The following SHTN1 variants were observed in gnomAD, a reference collection of about 807,000 sequenced individuals.
The protein encoded by SHTN1 is shootin-1.
A neutral mutation model predicts 83.1 loss-of-function variants in SHTN1; 42 were observed. The observed-to-expected ratio is 0.51, with a 90% CI of 0.39 to 0.65. SHTN1 has a LOEUF of 0.65. SHTN1 is among the 30% of genes least tolerant of loss of function. The pLI is 0.00. For synonymous variants in SHTN1, 224 were observed against 247.7 expected, an observed-to-expected ratio of 0.90 and a Z score of 0.90; for missense variants, 622 against 737.8, an observed-to-expected ratio of 0.84 and a Z score of 1.82.
At chr10:117,125,346 G>A (rs1853987650) in intron 1 of SHTN1, among the ~76,000 whole-genome samples, 1 of 152,122 alleles carries the variant, frequency 6.6e-6, no homozygotes, top group Admixed American at 6.6e-5. Context: ...ACAAATGTTG[G>A]CATTAATGTG....
At position 117,035,693 on chromosome 10, in the gene SHTN1, T is replaced by C. The variant is rs143628043; in HGVS notation, c.-123+12752A>G. Reference sequence around the variant, plus strand: ...ATGGCCAGACATGGTGGCTCACGTCTGTAATCCCAGCACTTTGGGAGGCTG... The same window carrying C: ...ATGGCCAGACATGGTGGCTCACGTCCGTAATCCCAGCACTTTGGGAGGCTG... On this transcript the variant is annotated intron_variant, in intron 2 of 17. Transcript: ENST00000392901. Among the ~76,000 whole-genome samples, 1,260 of 152,172 alleles carry C rather than the reference T, an allele frequency of 8.3e-3. 22 individuals carry two copies. The highest frequency in any genetic ancestry group is 0.051 in the South Asian group (245 of 4,820).
At position 116,981,772 on chromosome 10, in the gene SHTN1, A is replaced by G. The variant is rs1342912797; in HGVS notation, c.59-2464T>C. On this transcript the variant is annotated intron_variant, in intron 1 of 16. Transcript: ENST00000355371. ...AACAATAAAGGCTTATAAAACCATG[A>G]TCTCAGCCGGGTGCGGTGGCTCACA... Among the ~76,000 whole-genome samples, 3 of 152,264 alleles carry G rather than the reference A, an allele frequency of 2.0e-5. No homozygotes were observed. The East Asian group carries it at 5.8e-4, about 29-fold the overall frequency.
intron 2 of SHTN1, among the ~76,000 whole-genome samples, chr10:117,022,961 T>G (rs1461504898): frequency 1.8e-4 from 28 of 152,182 alleles, no homozygotes; most frequent in Non-Finnish European, 1.5e-5. Flanking sequence ...AACCTTGGCA[T>G]GATTTAATTT....
chr10:117,011,083 A>G (rs1050797715), intron 2 of SHTN1, among the ~76,000 whole-genome samples: 21 of 152,226 alleles, frequency 1.4e-4, no homozygotes, highest in African/African-American at 5.1e-4. Flanking sequence ...CAAGAAAAAG[A>G]AAGAAAAGGC....
At chr10:117,053,618 A>G (rs1480236326) in intron 1 of SHTN1, among the ~76,000 whole-genome samples, 1 of 152,212 alleles carries the variant, frequency 6.6e-6, no homozygotes, top group Non-Finnish European at 1.5e-5. Context: ...AGTGTTGGCA[A>G]GGATGTGGAG....
rs376893602 is a variant in SHTN1 at position 116,954,236 on chromosome 10, T to C, written c.268-26A>G. 3.4e-4 allele frequency: 515 copies of C among 1,503,770 alleles called. No homozygotes were observed. In the African/African-American group the frequency reaches 6.3e-3, roughly 19 times the overall value. 93.2% of individuals were successfully genotyped at this position (1,503,770 alleles called of 1,614,324 possible). A position where few individuals can be genotyped will look rare whatever the true frequency, so the allele number is the denominator to read the frequency against. Reference sequence around the variant, plus strand: ...CTAAGACAAAATATAAAAACAGTTATTTTAAAAGCAGCCAAATGAGTATCT... The same window carrying C: ...CTAAGACAAAATATAAAAACAGTTACTTTAAAAGCAGCCAAATGAGTATCT... On this transcript the variant is annotated intron_variant, in intron 4 of 16. Coordinates refer to ENST00000355371, the MANE Select transcript of SHTN1 (RefSeq NM_001127211.3).
At position 116,911,818 on chromosome 10, in the gene SHTN1, C is replaced by G; in HGVS notation, c.1331G>C (p.Ser444Thr). The change falls in exon 14 of 17, where the codon AGT becomes ACT. Residue 444 changes from serine to threonine, a missense_variant. Ser to Thr is a moderately conservative substitution (Grantham distance 58). Transcript: ENST00000355371. Reference protein sequence around the residue: ...TKPESSKGCESAVDELKGILG... With the variant: ...TKPESSKGCETAVDELKGILG... ...TATTCCTTTTAGTTCATCCACTGCA[C>G]TTTCGCAGCCTTTCGAAGATTCTGG... 6.2e-7 allele frequency: 1 copy of G among 1,612,728 alleles called. No individual in the cohort carries two copies. Among genetic ancestry groups the G allele is most frequent in the Non-Finnish European group, 8.5e-7 (1 of 1,178,780 alleles).
chr10:117,001,740 G>C (rs960081022), intron 1 of SHTN1, among the ~76,000 whole-genome samples: 36 of 152,114 alleles, frequency 2.4e-4, no homozygotes, highest in Non-Finnish European at 3.2e-4. Context: ...GAGAGGACTT[G>C]AAATGTTCTC....
chr10:117,069,931 A>G lies in SHTN1; in HGVS notation c.-188-21421T>C, dbSNP rs1306619417. Among the ~76,000 whole-genome samples the G allele has an allele frequency of 3.3e-5, 5 of 152,196 alleles. No individual in the cohort carries two copies. The East Asian group carries it at 9.6e-4, about 29-fold the overall frequency. ...TGTACATATTACAAAGGCAAATGTAATAATAAAGGGAGTAGAGTTCTATAA... is the reference window on the plus strand; with the variant it reads ...TGTACATATTACAAAGGCAAATGTAGTAATAAAGGGAGTAGAGTTCTATAA... On this transcript the variant is annotated intron_variant, in intron 1 of 17. Coordinates refer to the SHTN1 transcript ENST00000392901.
intron 3 of SHTN1, 71 bp downstream of exon 3, chr10:116,968,581 G>T: frequency 5.4e-6 from 6 of 1,101,222 alleles, no homozygotes; most frequent in South Asian, 4.0e-5. Flanking sequence ...ACTCAATAGG[G>T]TATAAGTCTA....
intron 16 of SHTN1, among the ~76,000 whole-genome samples, chr10:116,896,901 G>C (rs566269573): frequency 1.6e-4 from 25 of 151,936 alleles, no homozygotes; most frequent in African/African-American, 5.8e-4. Context: ...CCACCTCCTG[G>C]GTTCAAGCAA....
In SHTN1 at chr10:116,885,053, C is replaced by T. The variant is rs1335101077; in HGVS notation, c.*1291G>A. 1 of 152,580 alleles carries T rather than the reference C, an allele frequency of 6.6e-6. No individual in the cohort carries two copies. Among genetic ancestry groups the T allele is most frequent in the African/African-American group, 2.4e-5 (1 of 41,444 alleles). 9.5% of individuals were successfully genotyped at this position (152,580 alleles called of 1,614,324 possible). ...AACGAACTTACAGAAAGATAATTAT[C>T]TCCAAATTTAGGAAGTACATGTACC... On this transcript the variant is annotated 3_prime_UTR_variant, in exon 17 of 17. Transcript: ENST00000355371.
At chr10:116,968,778 A>C in intron 2 of SHTN1, 66 bp from the exon 3 acceptor site, 1 of 1,254,724 alleles carries the variant, frequency 8.0e-7, no homozygotes, top group Non-Finnish European at 1.1e-6. Flanking sequence ...AAAGGCAAGC[A>C]AGAGCAAACT....
intron 10 of SHTN1, among the ~76,000 whole-genome samples, chr10:116,928,138 A>T (rs1476304724): frequency 6.6e-6 from 1 of 152,216 alleles, no homozygotes; most frequent in African/African-American, 2.4e-5. Flanking sequence ...AACTTTAGAA[A>T]AGAAAAAAAT....
intron 1 of SHTN1, among the ~76,000 whole-genome samples, chr10:117,077,123 C>T (rs1853169883): frequency 6.6e-6 from 1 of 152,278 alleles, no homozygotes; most frequent in Middle Eastern, 3.4e-3. Flanking sequence ...TAGTAAAATG[C>T]TTCACCTCTA....
chr10:116,911,506 A>G (rs1403335333), intron 14 of SHTN1: 2 of 1,550,532 alleles, frequency 1.3e-6, no homozygotes, highest in Admixed American at 2.0e-5. Context: ...CAGCCACTTC[A>G]TCTTCAAGCT....
rs1173120402 is a variant in SHTN1 at position 116,881,635 on chromosome 10, A to G, written c.*4709T>C. ...CCCACCTTCCCCACACAAGGTGTAG[A>G]GGAATCAGCCGAAACAGGAGCATCC... On this transcript the variant is annotated 3_prime_UTR_variant, in exon 17 of 17. Coordinates refer to ENST00000355371, the MANE Select transcript of SHTN1 (RefSeq NM_001127211.3). The G allele has an allele frequency of 1.3e-6, 2 of 1,548,908 alleles. No individual in the cohort carries two copies. The highest frequency in any genetic ancestry group is 3.9e-5 in the Admixed American group (2 of 50,762).
chr10:116,931,932 T>G (rs1848983354), intron 9 of SHTN1, among the ~76,000 whole-genome samples: 1 of 152,256 alleles, frequency 6.6e-6, no homozygotes, highest in Non-Finnish European at 1.5e-5. Context: ...CTGCTGCATC[T>G]GCAAGGGAAC....
intron 1 of SHTN1, among the ~76,000 whole-genome samples, chr10:117,083,866 T>C (rs1853309468): frequency 6.6e-6 from 1 of 151,834 alleles, no homozygotes; most frequent in Non-Finnish European, 1.5e-5. Context: ...ATTCTTCACG[T>C]AGTTCTCGAG....
Sources: gnomAD v4.1 joint callset for allele counts (sites outside exome capture counted in the v4.1 genomes callset) on GRCh38, gnomAD v4.1.1 for gene constraint, MANE v1.5 for transcripts, NCBI Gene and HGNC (gene_info 2026-07-23, HGNC 2026-07-21) for gene names.